TDRD9: variants seen among roughly 807,000 people sequenced by gnomAD.
The protein encoded by TDRD9 is tudor domain containing 9, also known as ATP-dependent RNA helicase TDRD9.
In TDRD9, 124 loss-of-function variants were observed where a neutral mutation model predicts 172.6. That is an observed-to-expected ratio of 0.72 (90% CI 0.62 to 0.83). TDRD9 has a LOEUF of 0.83. Ranked by LOEUF, TDRD9 falls within the 40% of genes least tolerant of loss-of-function variation. TDRD9 has a pLI of 0.00. For missense variants in TDRD9, 1,479 were observed against 1,714.1 expected (o/e 0.86, Z 2.42); for synonymous variants, 619 against 617.1 (o/e 1.00, Z -0.05).
chr14:104,000,315 T>G (rs10137676), intron 13 of TDRD9, among the ~76,000 whole-genome samples: 2,873 of 132,782 alleles, frequency 0.022, 123 homozygotes, highest in Admixed American at 0.13. Flanking sequence ...GGTGACAGAA[T>G]GAGAGCCCCG....
At chr14:104,040,443 T>A in intron 33 of TDRD9, 109 bp downstream of exon 33, 1 of 1,218,068 alleles carries the variant, frequency 8.2e-7, no homozygotes, top group Non-Finnish European at 1.1e-6. Context: ...GACACACACC[T>A]CTGGTCCTGG....
chr14:103,975,598 T>C (rs1313865358), intron 7 of TDRD9, 45 bp downstream of exon 7: 3 of 1,532,688 alleles, frequency 2.0e-6, no homozygotes, highest in South Asian at 2.4e-5. Flanking sequence ...CGTACTCTTG[T>C]ATTGGATCAA....
At chr14:103,944,019 T>C (rs1311878553) in intron 1 of TDRD9, among the ~76,000 whole-genome samples, 1 of 152,238 alleles carries the variant, frequency 6.6e-6, no homozygotes, top group Non-Finnish European at 1.5e-5. Flanking sequence ...CCAAATTTTA[T>C]ACTAAAATTA....
chr14:104,025,201 C>T (rs1028659610), intron 25 of TDRD9, among the ~76,000 whole-genome samples: 20 of 152,112 alleles, frequency 1.3e-4, no homozygotes, highest in Non-Finnish European at 2.4e-4. Context: ...AGGCTGGTCT[C>T]GAACTCCTAA....
At chr14:104,042,740 A>G (rs1055632530) in intron 34 of TDRD9, among the ~76,000 whole-genome samples, 4 of 151,964 alleles carry the variant, frequency 2.6e-5, no homozygotes, top group Non-Finnish European at 4.4e-5. Flanking sequence ...CCAGCATTCC[A>G]CCTACCCAGT....
Position 103,983,074 on chromosome 14 carries a change from T to G in TDRD9, c.1012-3143T>G, listed in dbSNP as rs916139882. 1.2e-4 allele frequency among the ~76,000 whole-genome samples: 17 copies of G among 146,162 alleles called. No individual in the cohort carries two copies. The South Asian group carries it at 3.6e-3, about 31-fold the overall frequency. On this transcript the variant is annotated intron_variant, in intron 7 of 35. Coordinates refer to ENST00000409874, the MANE Select transcript of TDRD9 (RefSeq NM_153046.3). ...TGGGTCACTTTTTTTTTTTTTTTTT[T>G]TTTTTTTGAGACAGAGCCTTGTTCT...
At chr14:104,014,544 G>A (rs1485386257) in intron 20 of TDRD9, among the ~76,000 whole-genome samples, 181 bp from the exon 21 acceptor site, 1 of 152,156 alleles carries the variant, frequency 6.6e-6, no homozygotes, top group Non-Finnish European at 1.5e-5. Flanking sequence ...GCCTCCCAAA[G>A]TGCTGGGATT....
intron 34 of TDRD9, among the ~76,000 whole-genome samples, chr14:104,044,018 G>A (rs991991840): frequency 1.3e-5 from 2 of 152,186 alleles, no homozygotes; most frequent in Non-Finnish European, 2.9e-5. Context: ...GCTTAAGCCT[G>A]TGTGTCATAC....
chr14:103,932,241 G>T (rs1460586928), intron 1 of TDRD9, among the ~76,000 whole-genome samples: 2 of 152,238 alleles, frequency 1.3e-5, no homozygotes, highest in African/African-American at 2.4e-5. Flanking sequence ...GCTGGGTTCG[G>T]ATTGGGGTGA....
At chr14:103,983,839 G>A (rs1012934829) in intron 7 of TDRD9, among the ~76,000 whole-genome samples, 4 of 152,202 alleles carry the variant, frequency 2.6e-5, no homozygotes, top group Non-Finnish European at 4.4e-5. Context: ...GGGAAAGTTT[G>A]GAACTTCCTA....
chr14:104,005,096 T>C (rs2034392320), intron 14 of TDRD9, 178 bp from the exon 15 acceptor site: 4 of 521,908 alleles, frequency 7.7e-6, no homozygotes, highest in Non-Finnish European at 1.0e-5. Flanking sequence ...TCTCTTTCTC[T>C]CCTGTTCTTT....
intron 15 of TDRD9, among the ~76,000 whole-genome samples, chr14:104,006,007 A>G (rs1293220750): frequency 6.6e-6 from 1 of 152,150 alleles, no homozygotes; most frequent in African/African-American, 2.4e-5. Context: ...TTGGGTTTCT[A>G]TGAAATACAC....
intron 18 of TDRD9, 45 bp from the exon 19 acceptor site, chr14:104,007,115 G>A: frequency 3.2e-6 from 5 of 1,561,688 alleles, no homozygotes; most frequent in Non-Finnish European, 4.3e-6. Flanking sequence ...AAAAAATTCA[G>A]TGAGCCAACA....
intron 13 of TDRD9, among the ~76,000 whole-genome samples, chr14:103,998,985 G>C (rs2034160783): frequency 6.6e-6 from 1 of 152,082 alleles, no homozygotes; most frequent in Non-Finnish European, 1.5e-5. Context: ...AGTAGAGACG[G>C]GGTTTCGCCG....
chr14:103,964,086 A>C (rs936266616), intron 3 of TDRD9, among the ~76,000 whole-genome samples: 2 of 151,692 alleles, frequency 1.3e-5, no homozygotes, highest in Non-Finnish European at 2.9e-5. Context: ...TACAAAACAC[A>C]CCCCCCAAAA....
chr14:104,048,086 A>G (rs971892139), intron 34 of TDRD9, among the ~76,000 whole-genome samples: 2 of 152,046 alleles, frequency 1.3e-5, no homozygotes, highest in Non-Finnish European at 2.9e-5. Flanking sequence ...GGTACTTTAG[A>G]TAATGTACTG....
At chr14:104,051,841 TGAGAGTAGA>T (rs1339508742) in intron 35 of TDRD9, 131 bp from the exon 36 acceptor site, 1 of 552,722 alleles carries the variant, frequency 1.8e-6, no homozygotes, top group Non-Finnish European at 3.3e-6. Context: ...GTATGAAGTG[TGAGAGTAGA>T]GAAGTGTTCT....
At chr14:103,936,452 G>A (rs752913578) in intron 1 of TDRD9, among the ~76,000 whole-genome samples, 8 of 152,272 alleles carry the variant, frequency 5.3e-5, no homozygotes, top group Non-Finnish European at 7.4e-5. Flanking sequence ...GACATGGTGA[G>A]AGTTGCTTCC....
At position 104,004,403 on chromosome 14, in the gene TDRD9, C is replaced by T. The variant is rs191918273; in HGVS notation, c.1581+68C>T. On this transcript the variant is annotated intron_variant, in intron 14 of 35. Transcript: ENST00000409874. Reference sequence around the variant, plus strand: ...TTTATTTATTTATTTATTTATGAGACGGAGTCTTGCACTGTTGTCTGGACT... The same window carrying T: ...TTTATTTATTTATTTATTTATGAGATGGAGTCTTGCACTGTTGTCTGGACT... The T allele has an allele frequency of 4.4e-3, 3,859 of 876,572 alleles. 18 individuals are homozygous for T. Among genetic ancestry groups the T allele is most frequent in the Non-Finnish European group, 5.8e-3 (3,216 of 558,168 alleles). 54.3% of individuals were successfully genotyped at this position (876,572 alleles called of 1,614,324 possible). A position where few individuals can be genotyped will look rare whatever the true frequency, so the allele number is the denominator to read the frequency against.
Sources: allele counts gnomAD v4.1 joint callset (sites outside exome capture counted in the v4.1 genomes callset), GRCh38; gene constraint gnomAD v4.1.1; transcripts MANE v1.5; gene names NCBI Gene and HGNC (gene_info 2026-07-23, HGNC 2026-07-21).